ADGRL3: variants seen among roughly 807,000 people sequenced by gnomAD.
The protein encoded by ADGRL3 is adhesion G protein-coupled receptor L3.
Under a neutral mutation model 153.5 loss-of-function variants are expected in ADGRL3, and 62 were observed. The ratio of observed to expected loss-of-function variants is 0.40; its 90% confidence interval spans 0.33 to 0.50. The LOEUF (loss-of-function observed/expected upper bound fraction) is 0.50. Among genes scored for constraint, ADGRL3 ranks in the 20% least tolerant of loss-of-function variants. The pLI is 0.47. For missense variants in ADGRL3, 1,641 were observed against 1,859.4 expected (o/e 0.88, Z 2.16); for synonymous variants, 710 against 672.5 (o/e 1.06, Z -0.86).
intron 5 of ADGRL3, among the ~76,000 whole-genome samples, chr4:61,644,461 A>G (rs2093859762): frequency 6.6e-6 from 1 of 152,098 alleles, no homozygotes; most frequent in Non-Finnish European, 1.5e-5. Context: ...ACTGCTTTGA[A>G]TGCGTCCCAG....
intron 8 of ADGRL3, among the ~76,000 whole-genome samples, chr4:61,808,281 C>T (rs1373400792): frequency 6.6e-6 from 1 of 151,978 alleles, no homozygotes. Flanking sequence ...AGAGTGGGAG[C>T]GGATGCTGAA....
intron 2 of ADGRL3, among the ~76,000 whole-genome samples, chr4:61,397,771 T>G (rs1396601186): frequency 6.6e-6 from 1 of 151,936 alleles, no homozygotes; most frequent in Admixed American, 6.6e-5. Flanking sequence ...AAGGGTATGT[T>G]GAACCTCTTA....
chr4:61,465,757 A>AT lies in ADGRL3; in HGVS notation c.-173-31364_-173-31363insT, dbSNP rs1250664044. ...GACTCTGGATTTTAAAATTATATAT[A>AT]AATATATATATATATATATATCTTA... On this transcript the variant is annotated intron_variant, in intron 2 of 26. Coordinates refer to ENST00000683033, the MANE Select transcript of ADGRL3 (RefSeq NM_001387552.1). 2.5e-3 allele frequency among the ~76,000 whole-genome samples: 244 copies of AT among 99,372 alleles called. 3 individuals are homozygous for AT. The highest frequency in any genetic ancestry group is 4.0e-3 in the South Asian group (10 of 2,476). The allele number at this position is 99,372 out of a possible 152,430, so 65.2% of individuals were successfully genotyped here. A position where few individuals can be genotyped will look rare whatever the true frequency, so the allele number is the denominator to read the frequency against.
chr4:61,641,756 T>G (rs1437963076), intron 5 of ADGRL3, among the ~76,000 whole-genome samples: 1 of 151,502 alleles, frequency 6.6e-6, no homozygotes, highest in Non-Finnish European at 1.5e-5. Context: ...TACGTGTGCA[T>G]GTGTCTTTAT....
chr4:61,307,262 A>C (rs1171127001), intron 1 of ADGRL3, among the ~76,000 whole-genome samples: 1 of 152,190 alleles, frequency 6.6e-6, no homozygotes, highest in Non-Finnish European at 1.5e-5. Flanking sequence ...TTATTACTAC[A>C]TGATTATGAC....
intron 25 of ADGRL3, among the ~76,000 whole-genome samples, chr4:62,048,782 G>A (rs1187132295): frequency 3.3e-5 from 5 of 151,140 alleles, no homozygotes; most frequent in African/African-American, 1.2e-4. Flanking sequence ...TGAAGTCCTG[G>A]CCTCAAGCAG....
chr4:61,799,038 T>TATAA, intron 8 of ADGRL3, among the ~76,000 whole-genome samples: 1 of 115,712 alleles, frequency 8.6e-6, no homozygotes, highest in African/African-American at 3.5e-5. Context: ...TATATATATA[T>TATAA]ACCATATATT....
intron 1 of ADGRL3, among the ~76,000 whole-genome samples, chr4:61,276,605 A>T (rs148955223): frequency 2.0e-5 from 3 of 152,140 alleles, no homozygotes; most frequent in Non-Finnish European, 4.4e-5. Flanking sequence ...TCCTTTCTGT[A>T]CATTTCTAAT....
intron 8 of ADGRL3, among the ~76,000 whole-genome samples, chr4:61,754,965 C>T (rs1371403411): frequency 1.3e-5 from 2 of 152,130 alleles, no homozygotes; most frequent in African/African-American, 4.8e-5. Flanking sequence ...TTTTTTATGG[C>T]TGCATAGTAT....
At chr4:61,435,266 T>A (rs2097430064) in intron 2 of ADGRL3, among the ~76,000 whole-genome samples, 1 of 152,086 alleles carries the variant, frequency 6.6e-6, no homozygotes, top group Non-Finnish European at 1.5e-5. Flanking sequence ...ATAATTGACA[T>A]TGCCATTCAT....
chr4:61,548,956 T>C (rs2098727542), intron 4 of ADGRL3, among the ~76,000 whole-genome samples: 1 of 152,116 alleles, frequency 6.6e-6, no homozygotes, highest in Non-Finnish European at 1.5e-5. Flanking sequence ...ATATTGACTC[T>C]TCCTATCGAT....
At chr4:61,616,204 A>G (rs540973826) in intron 5 of ADGRL3, among the ~76,000 whole-genome samples, 3 of 152,162 alleles carry the variant, frequency 2.0e-5, no homozygotes, top group Admixed American at 2.0e-4. Flanking sequence ...TATAATTGCT[A>G]TGACTTAGGG....
chr4:61,979,681 G>A lies in ADGRL3; in HGVS notation c.2924G>A (p.Ser975Asn), dbSNP rs763431457. The A allele has an allele frequency of 1.9e-6, 3 of 1,613,910 alleles. No homozygotes were observed. Among genetic ancestry groups the A allele is most frequent in the Admixed American group, 3.3e-5 (2 of 59,998 alleles). ...FTFCFFRGLQ[S>N]DRNTIHKNLC... ...TTTTGCTTTTTCCGGGGGCTCCAGA[G>A]TGACCGTAACACCATCCACAAGAAC... The change falls in exon 18 of 27, where the codon AGT (serine) becomes AAT (asparagine). Residue 975 changes from serine to asparagine, a missense_variant. Transcript: ENST00000683033.
At chr4:61,622,884 C>T (rs190440102) in intron 5 of ADGRL3, among the ~76,000 whole-genome samples, 1 of 152,142 alleles carries the variant, frequency 6.6e-6, no homozygotes, top group Admixed American at 6.5e-5. Flanking sequence ...CAAGTTTAGT[C>T]ATATCATAAA....
chr4:61,278,789 A>C (rs1303031308), intron 1 of ADGRL3, among the ~76,000 whole-genome samples: 2 of 152,206 alleles, frequency 1.3e-5, no homozygotes, highest in Admixed American at 1.3e-4. Flanking sequence ...TACAGGTGTG[A>C]GCCACTGCAC....
intron 1 of ADGRL3, among the ~76,000 whole-genome samples, chr4:61,307,791 G>A (rs891035964): frequency 6.6e-6 from 1 of 152,162 alleles, no homozygotes; most frequent in Admixed American, 6.5e-5. Context: ...GATGAATTCT[G>A]TAATCCAGTC....
chr4:61,621,209 A>AT (rs1055683910), intron 5 of ADGRL3, among the ~76,000 whole-genome samples: 2 of 151,792 alleles, frequency 1.3e-5, no homozygotes, highest in African/African-American at 4.8e-5. Context: ...TTCTAGCTTC[A>AT]TTTTTTATCT....
intron 9 of ADGRL3, among the ~76,000 whole-genome samples, chr4:61,869,041 C>T (rs1447990924): frequency 1.3e-5 from 2 of 152,128 alleles, no homozygotes; most frequent in African/African-American, 2.4e-5. Flanking sequence ...CTACTGGGCT[C>T]AAGTGATCCT....
intron 17 of ADGRL3, among the ~76,000 whole-genome samples, chr4:61,972,339 G>T (rs1227222208): frequency 6.6e-6 from 1 of 152,102 alleles, no homozygotes; most frequent in African/African-American, 2.4e-5. Flanking sequence ...TTTGTATAAG[G>T]TGTAAGGAAG....
Sources: allele counts gnomAD v4.1 joint callset (sites outside exome capture counted in the v4.1 genomes callset), GRCh38; gene constraint gnomAD v4.1.1; transcripts MANE v1.5; gene names NCBI Gene and HGNC (gene_info 2026-07-23, HGNC 2026-07-21).